The following TAOK2 variants were observed in gnomAD, a reference collection of about 807,000 sequenced individuals.
The protein encoded by TAOK2 is TAO kinase 2, also known as serine/threonine-protein kinase TAO2.
In TAOK2, 42 loss-of-function variants were observed where a neutral mutation model predicts 122.5. The ratio of observed to expected loss-of-function variants is 0.34; its 90% CI spans 0.27 to 0.44. The LOEUF (loss-of-function observed/expected upper bound fraction) is 0.44, where lower values mean the gene tolerates loss of function less well. TAOK2 is among the 20% of genes least tolerant of loss of function. The pLI, the probability that TAOK2 is intolerant of heterozygous loss-of-function variation, is 1.00. For synonymous variants in TAOK2, 704 were observed against 677.6 expected (o/e 1.04, Z -0.61); for missense variants, 1,264 against 1,644.9 (o/e 0.77, Z 4.01).
downstream of TAOK2, chr16:29,989,940 C>A: frequency 1.3e-6 from 1 of 750,256 alleles, no homozygotes; most frequent in Admixed American, 2.7e-5. Context: ...TCCCTCTGTT[C>A]GTGTTCTCCA....
At position 29,987,583 on chromosome 16, in the gene TAOK2, G is replaced by A; in HGVS notation, c.3311G>A (p.Gly1104Glu). Reference protein sequence around the residue: ...PMAFRALQGCGAVGDRGLFAL... With the variant: ...PMAFRALQGCEAVGDRGLFAL... ...GCCTTCCGGGCCCTGCAGGGCTGTG[G>A]GGCTGTGGGGGACCGGGGTCTGTTT... Residue 1104 changes from glycine to glutamate, a missense_variant, in exon 16 of 16, where the codon GGG (glycine) becomes GAG (glutamate). This residue lies in a region of TAOK2 where 824 missense variants were observed against 908.7 expected (regional missense o/e 0.91). Coordinates refer to ENST00000308893, the MANE Select transcript of TAOK2 (RefSeq NM_016151.4). 1.2e-6 allele frequency: 2 copies of A among 1,612,668 alleles called. No homozygotes were observed. The highest frequency in any genetic ancestry group is 1.7e-6 in the Non-Finnish European group (2 of 1,179,088).
chr16:29,991,510 G>A, downstream of TAOK2: 1 of 1,481,300 alleles, frequency 6.8e-7, no homozygotes, highest in East Asian at 2.5e-5. The surrounding 1 kb of genome is among the most constrained non-coding windows in gnomAD (Gnocchi z 5.6). Context: ...GGGCCCCTGA[G>A]CCGCAGCACC....
chr16:29,974,853 C>T (rs1397598996), intron 1 of TAOK2, among the ~76,000 whole-genome samples: 1 of 152,112 alleles, frequency 6.6e-6, no homozygotes, highest in Non-Finnish European at 1.5e-5. Context: ...TGGTGGGGGA[C>T]CTCAGGTGAC....
chr16:29,984,559 G>A (rs4787489), intron 13 of TAOK2, among the ~76,000 whole-genome samples: 54,891 of 151,846 alleles, frequency 0.36, 10,908 homozygotes, highest in South Asian at 0.49. Context: ...GGTGTTGTGC[G>A]GTACTGTGCT....
At chr16:29,984,015 G>A (rs999923551) in intron 13 of TAOK2, among the ~76,000 whole-genome samples, 3 of 152,164 alleles carry the variant, frequency 2.0e-5, no homozygotes, top group African/African-American at 4.8e-5. Context: ...CCCTGTGCCT[G>A]TGGAGCCCTG....
At chr16:29,975,760 T>C (rs892437888) in intron 1 of TAOK2, among the ~76,000 whole-genome samples, 3 of 152,126 alleles carry the variant, frequency 2.0e-5, no homozygotes, top group African/African-American at 7.2e-5. Context: ...GATTAAAGCT[T>C]TGTGGGGACC....
chr16:29,983,095 G>C lies in TAOK2; in HGVS notation c.1023G>C (p.Arg341=), dbSNP rs774881770. ...AGGAGGCCGAGCCCTACATGCACCG[G>C]GCCGGGACTCTGACCAGCCTCGAGA... is the stretch of plus-strand genomic sequence containing the variant. ...EEEEAEPYMH[R]AGTLTSLESS... Residue 341 remains arginine (R), a synonymous_variant, in exon 12 of 16, where the codon CGG becomes CGC. Transcript: ENST00000308893. 1.2e-6 allele frequency: 2 copies of C among 1,613,974 alleles called. No individual in the cohort carries two copies. Among genetic ancestry groups the C allele is most frequent in the Admixed American group, 3.3e-5 (2 of 60,022 alleles).
rs1475131246 is a variant in TAOK2, at chr16:29,985,896, C to G, written c.1992+35C>G. 3 of 1,597,096 alleles carry G rather than the reference C, an allele frequency of 1.9e-6. No homozygotes were observed. Among genetic ancestry groups the G allele is most frequent in the Non-Finnish European group, 2.6e-6 (3 of 1,171,152 alleles). On this transcript the variant is annotated intron_variant, in intron 15 of 15. Coordinates refer to ENST00000308893, the MANE Select transcript of TAOK2 (RefSeq NM_016151.4). The surrounding 1 kb of genome is among the most constrained non-coding windows in gnomAD (Gnocchi z 6.9). ...CCAATCTCTGTTCCCCTCCCGCTCACTCGTGGATCCCAGGGACCCACCCTT... is the reference window on the plus strand; with the variant it reads ...CCAATCTCTGTTCCCCTCCCGCTCAGTCGTGGATCCCAGGGACCCACCCTT...
intron 1 of TAOK2, among the ~76,000 whole-genome samples, chr16:29,975,380 G>C (rs2069423176): frequency 6.6e-6 from 1 of 152,214 alleles, no homozygotes; most frequent in Non-Finnish European, 1.5e-5. Flanking sequence ...CACAGTGGCA[G>C]AACCAGAATT....
Position 29,985,595 on chromosome 16 carries a change from T to TG in TAOK2, c.1788+22dup. 1.9e-6 allele frequency: 3 copies of TG among 1,602,484 alleles called. No homozygotes were observed. Among genetic ancestry groups the TG allele is most frequent in the Non-Finnish European group, 1.7e-6 (2 of 1,172,112 alleles). On this transcript the variant is annotated intron_variant, in intron 14 of 15. Transcript: ENST00000308893. The surrounding 1 kb of genome is among the most constrained non-coding windows in gnomAD (Gnocchi z 6.9). ...CTGAAGGAGGTGAGCTAGGGCTGCT[T>TG]GGGGGCGGAGCCGATGGCGAGCCAG...
downstream of TAOK2, chr16:29,991,467 G>C (rs575036361): frequency 6.7e-7 from 1 of 1,495,926 alleles, no homozygotes; most frequent in African/African-American, 1.4e-5. The surrounding 1 kb of genome is among the most constrained non-coding windows in gnomAD (Gnocchi z 5.6). Context: ...CAGTGGCAGT[G>C]AGAATGTGGG....
At position 29,982,690 on chromosome 16, in the gene TAOK2, G is replaced by A. The variant is rs577691694; in HGVS notation, c.832-44G>A. ...AATGCCAAGGGCTGTGGGTTGTGGG[G>A]GGAAGGGGAGTTGGCAGCAGACCTC... On this transcript the variant is annotated intron_variant, in intron 10 of 15. Transcript: ENST00000308893. 77 of 1,588,598 alleles carry A rather than the reference G, an allele frequency of 4.8e-5. 2 individuals carry two copies. The South Asian group carries it at 8.7e-4, about 18-fold the overall frequency.
intron 1 of TAOK2, among the ~76,000 whole-genome samples, chr16:29,977,441 G>T: frequency 6.6e-6 from 1 of 152,168 alleles, no homozygotes; most frequent in East Asian, 1.9e-4. Flanking sequence ...GAGATACAGG[G>T]GCTATAGGGA....
At chr16:29,978,419 G>C (rs2069521303) in intron 4 of TAOK2, 66 bp downstream of exon 4, 1 of 1,514,388 alleles carries the variant, frequency 6.6e-7, no homozygotes, top group Non-Finnish European at 9.2e-7. Context: ...TCGTAGTCCA[G>C]TCTCTTAGGT....
Position 29,986,705 on chromosome 16 carries a change from C to T in TAOK2, c.2433C>T (p.Pro811=), listed in dbSNP as rs751762969. The change falls in exon 16 of 16, where the codon CCC becomes CCT. Residue 811 remains proline (P), a synonymous_variant. Transcript: ENST00000308893. This position sits in a 1 kb window ranked among gnomAD's most constrained non-coding sequence, Gnocchi z 4.2. The stretch of plus-strand genomic sequence containing the variant: ...GAAAGGAAGGGGCCACTTTGGAGCC[C>T]AAGCAGCAGAGGATTCTGGGGGAAG... The part of the protein sequence containing the change: ...ILGKEGATLE[P]KQQRILGEES... 3.7e-6 allele frequency: 6 copies of T among 1,613,902 alleles called. No homozygotes were observed. Among genetic ancestry groups the T allele is most frequent in the Non-Finnish European group, 5.1e-6 (6 of 1,179,938 alleles).
chr16:29,986,639 T>G lies in TAOK2; in HGVS notation c.2367T>G (p.Leu789=), dbSNP rs769768918. The G allele has an allele frequency of 3.1e-6, 5 of 1,611,572 alleles. No individual in the cohort carries two copies. Among genetic ancestry groups the G allele is most frequent in the Admixed American group, 3.4e-5 (2 of 59,398 alleles). ...AGGCAGTCCTGGACCAAAGAATGCT[T>G]GGCGAGGAGGAGGAAGCAGTTGGAG... is the stretch of plus-strand genomic sequence containing the variant. ...GQEAVLDQRM[L]GEEEEAVGER... Residue 789 remains leucine (L), a synonymous_variant, in exon 16 of 16, where the codon CTT becomes CTG. Coordinates refer to ENST00000308893, the MANE Select transcript of TAOK2 (RefSeq NM_016151.4). This position sits in a 1 kb window ranked among gnomAD's most constrained non-coding sequence, Gnocchi z 4.2.
At position 29,982,584 on chromosome 16, in the gene TAOK2, T is replaced by TTAC. The variant is rs72535032; in HGVS notation, c.832-149_832-148insACT. 1.3e-5 allele frequency: 14 copies of TTAC among 1,054,384 alleles called. No homozygotes were observed. The Admixed American group carries it at 1.5e-4, about 11-fold the overall frequency. The allele number at this position is 1,054,384 out of a possible 1,614,324, so 65.3% of individuals were successfully genotyped here. On this transcript the variant is annotated intron_variant, in intron 10 of 15. Coordinates refer to ENST00000308893, the MANE Select transcript of TAOK2 (RefSeq NM_016151.4). The stretch of plus-strand genomic sequence containing the variant: ...AGTAGGTACTGGGTGGTACAGAAAA[T>TTAC]TGTGAGAGAAGGGCTTGGGATAAGG...
In TAOK2 at chr16:29,979,441, C is replaced by T. The variant is rs776016778; in HGVS notation, c.588C>T (p.Ala196=). 2.5e-6 allele frequency: 4 copies of T among 1,585,292 alleles called. No individual in the cohort carries two copies. Among genetic ancestry groups the T allele is most frequent in the East Asian group, 4.5e-5 (2 of 44,578 alleles). Residue 196 remains alanine (A), a synonymous_variant, in exon 8 of 16, where the codon GCC becomes GCT. Transcript: ENST00000308893. The surrounding 1 kb of genome is among the most constrained non-coding windows in gnomAD (Gnocchi z 4.1). The part of the protein sequence containing the change: ...PYWMAPEVIL[A]MDEGQYDGKV... ...GGATGGCACCCGAGGTGATCCTGGC[C>T]ATGGATGAGGGGCAGTACGATGGCA...
At chr16:29,990,142 A>G (rs970788679), downstream of TAOK2, 3 of 254,274 alleles carry the variant, frequency 1.2e-5, no homozygotes, top group Non-Finnish European at 2.3e-5. Context: ...CCTCAAGCCC[A>G]TTTACTCAGA....
Sources: gnomAD v4.1 joint callset for allele counts (sites outside exome capture counted in the v4.1 genomes callset) on GRCh38, gnomAD v4.1.1 for gene constraint, gnomAD v4.1.1 regional missense constraint, Gnocchi (gnomAD v3.1) non-coding constraint, MANE v1.5 for transcripts, NCBI Gene and HGNC (gene_info 2026-07-23, HGNC 2026-07-21) for gene names.